Variants in SLC6A13 observed in about 807,000 individuals in gnomAD.
SLC6A13 encodes the protein solute carrier family 6 member 13.
A neutral mutation model predicts 72.9 loss-of-function variants in SLC6A13; 69 were observed. The ratio of observed to expected loss-of-function variants is 0.95; its 90% CI spans 0.78 to 1.16. The LOEUF is 1.16. Among genes scored for constraint, SLC6A13 ranks in the 50% most tolerant of loss-of-function variants. The pLI, the probability that SLC6A13 is intolerant of heterozygous loss-of-function variation, is 0.00. For synonymous variants in SLC6A13, 303 were observed against 303.0 expected, an observed-to-expected ratio of 1.00 and a Z score of 0.00; for missense variants, 735 against 760.5, an observed-to-expected ratio of 0.97 and a Z score of 0.39.
intron 2 of SLC6A13, among the ~76,000 whole-genome samples, chr12:250,621 T>C (rs1942499322): frequency 6.6e-6 from 1 of 151,898 alleles, no homozygotes; most frequent in Non-Finnish European, 1.5e-5. Flanking sequence ...CTACAAAACA[T>C]TGCTGAGAGA....
At chr12:240,691 G>A (rs1942132772) in intron 4 of SLC6A13, among the ~76,000 whole-genome samples, 1 of 152,252 alleles carries the variant, frequency 6.6e-6, no homozygotes, top group Non-Finnish European at 1.5e-5. Flanking sequence ...GGGAAGTGCA[G>A]GAGCAGGGCC....
chr12:224,579 G>T, intron 9 of SLC6A13, 66 bp from the exon 10 acceptor site: 1 of 1,323,498 alleles, frequency 7.6e-7, no homozygotes, highest in Non-Finnish European at 1.1e-6. Context: ...GGTGACCCAT[G>T]GCTTCCCAGC....
intron 1 of SLC6A13, among the ~76,000 whole-genome samples, chr12:262,420 GTA>G (rs1485577543): frequency 6.6e-6 from 1 of 152,252 alleles, no homozygotes; most frequent in Non-Finnish European, 1.5e-5. Flanking sequence ...ATATACATAT[GTA>G]TACACACTTA....
rs754571234 is a variant in SLC6A13 at position 221,024 on chromosome 12, T to A, written c.1733A>T (p.Asn578Ile). 6.2e-6 allele frequency: 10 copies of A among 1,611,978 alleles called. No homozygotes were observed. Among genetic ancestry groups the A allele is most frequent in the Non-Finnish European group, 8.5e-6 (10 of 1,179,646 alleles). The part of the protein sequence containing the change: ...MCPAEDLPQR[N>I]PAGPSAPATP... ...GGCGGGAGCCGAGGGTCCTGCTGGG[T>A]TCCGCTGGGGCAGGTCCTCGGCTGG... Residue 578 changes from asparagine to isoleucine, a missense_variant, in exon 15 of 15, where the codon AAC (asparagine) becomes ATC (isoleucine). By Grantham distance (149) the Asn-to-Ile change is moderately radical (BLOSUM62 -3). Transcript: ENST00000343164.
At position 242,657 on chromosome 12, in the gene SLC6A13, G is replaced by C; in HGVS notation, c.435C>G (p.Thr145=). 1 of 1,613,644 alleles carries C rather than the reference G, an allele frequency of 6.2e-7. No individual in the cohort carries two copies. Among genetic ancestry groups the C allele is most frequent in the Non-Finnish European group, 8.5e-7 (1 of 1,179,830 alleles). Reference sequence around the variant, plus strand: ...AGCAGCCGCCCCAGGGCAGGTCGATGGTGAAGCTGCTGAAGAGGTAGAACA... The same window carrying C: ...AGCAGCCGCCCCAGGGCAGGTCGATCGTGAAGCTGCTGAAGAGGTAGAACA... The part of the protein sequence containing the change: ...WALFYLFSSF[T]IDLPWGGCYH... Residue 145 remains threonine (T), a synonymous_variant, in exon 4 of 15, where the codon ACC becomes ACG. Transcript: ENST00000343164.
chr12:221,313 C>T lies in SLC6A13; in HGVS notation c.1686+63G>A. ...GGTGTGCGCCCTGGCTGGCAGCCCA[C>T]CTGTCGGCACCTGCGAAGCCTCCCA... On this transcript the variant is annotated intron_variant, in intron 14 of 14. Coordinates refer to ENST00000343164, the MANE Select transcript of SLC6A13 (RefSeq NM_016615.5). The T allele has an allele frequency of 2.7e-6, 4 of 1,488,834 alleles. No individual in the cohort carries two copies. In the South Asian group the frequency reaches 5.2e-5, roughly 19 times the overall value. 92.2% of individuals were successfully genotyped at this position (1,488,834 alleles called of 1,614,324 possible).
intron 7 of SLC6A13, among the ~76,000 whole-genome samples, chr12:229,012 C>T (rs577881774): frequency 1.4e-4 from 21 of 152,268 alleles, no homozygotes; most frequent in African/African-American, 3.6e-4. Context: ...GCAAGGAAGA[C>T]GGTGGGGAAA....
intron 2 of SLC6A13, among the ~76,000 whole-genome samples, chr12:250,973 G>T (rs772413018): frequency 6.6e-6 from 1 of 151,730 alleles, no homozygotes; most frequent in African/African-American, 2.4e-5. Flanking sequence ...TGGCCAACAC[G>T]GTGAAACCCT....
chr12:235,333 G>A (rs532138804), intron 6 of SLC6A13, 109 bp from the exon 7 acceptor site: 135 of 1,086,590 alleles, frequency 1.2e-4, no homozygotes, highest in Non-Finnish European at 1.7e-4. Context: ...GGTCAAGGGA[G>A]TGTTCCTCCT....
chr12:222,591 AC>A lies in SLC6A13; in HGVS notation c.1455del (p.Tyr486ThrfsTer27), dbSNP rs746156424. 1 of 1,610,826 alleles carries A rather than the reference AC, an allele frequency of 6.2e-7. No homozygotes were observed. The highest frequency in any genetic ancestry group is 2.2e-5 in the East Asian group (1 of 44,874). On this transcript the variant is annotated frameshift_variant, in exon 13 of 15. Transcript: ENST00000343164. LOFTEE classifies it high-confidence loss of function. ...TATTTGATAAGAGGCCATGGCCTGT[AC>A]CCAATCATGTCTTCGATGTTGTCGT... is the stretch of plus-strand genomic sequence containing the variant. ...RFYDNIEDMI[G>X]YRPWPLIKYC... is the part of the protein sequence containing the mutation.
chr12:243,078 C>T (rs1458711202), intron 3 of SLC6A13, among the ~76,000 whole-genome samples: 2 of 151,276 alleles, frequency 1.3e-5, no homozygotes, highest in Non-Finnish European at 2.9e-5. Flanking sequence ...GGTGCAATCT[C>T]GGCTCGCTGC....
chr12:251,656 GA>G (rs781153442), intron 2 of SLC6A13, among the ~76,000 whole-genome samples: 1 of 152,110 alleles, frequency 6.6e-6, no homozygotes, highest in African/African-American at 2.4e-5. Flanking sequence ...GACACTGTTA[GA>G]AACAGGAAAA....
chr12:261,918 T>C (rs1248596664), intron 1 of SLC6A13, among the ~76,000 whole-genome samples: 1 of 147,628 alleles, frequency 6.8e-6, no homozygotes, highest in African/African-American at 2.5e-5. Flanking sequence ...AAAGCGAGAC[T>C]CTGTCTCAAA....
intron 2 of SLC6A13, among the ~76,000 whole-genome samples, chr12:258,386 G>A (rs1942815745): frequency 6.6e-6 from 1 of 152,150 alleles, no homozygotes; most frequent in Admixed American, 6.5e-5. Flanking sequence ...TAAAATCATT[G>A]TGAGACTCAA....
chr12:260,760 C>T (rs569065812), intron 1 of SLC6A13, among the ~76,000 whole-genome samples: 5 of 152,274 alleles, frequency 3.3e-5, no homozygotes, highest in African/African-American at 9.6e-5. Context: ...TCATGCTTGA[C>T]AAATATTTTA....
chr12:222,650 A>G lies in SLC6A13; in HGVS notation c.1415-18T>C. On this transcript the variant is annotated intron_variant, in intron 12 of 14. Coordinates refer to ENST00000343164, the MANE Select transcript of SLC6A13 (RefSeq NM_016615.5). ...CTTGGCTCCTACCATGGAGAAAAGA[A>G]GAAGGAAGGAGGAGAAAGTCATTCT... 2 of 1,531,882 alleles carry G rather than the reference A, an allele frequency of 1.3e-6. No homozygotes were observed. Among genetic ancestry groups the G allele is most frequent in the Non-Finnish European group, 1.8e-6 (2 of 1,112,580 alleles). 94.9% of individuals were successfully genotyped at this position (1,531,882 alleles called of 1,614,324 possible).
chr12:230,789 A>T, intron 7 of SLC6A13, among the ~76,000 whole-genome samples: 1 of 152,078 alleles, frequency 6.6e-6, no homozygotes, highest in South Asian at 2.1e-4. Context: ...GCTGACCCCA[A>T]ACTCACAGGG....
At chr12:262,541 G>A (rs145313203) in intron 1 of SLC6A13, 200 of 200,164 alleles carry the variant, frequency 1.0e-3, no homozygotes, top group Middle Eastern at 7.7e-3. Flanking sequence ...GTTAAATCCA[G>A]TTGTCTTTCC....
chr12:227,518 A>T, intron 8 of SLC6A13, 47 bp downstream of exon 8: 1 of 1,611,228 alleles, frequency 6.2e-7, no homozygotes, highest in Non-Finnish European at 8.5e-7. Flanking sequence ...CTGGAAGGAC[A>T]GTAGAGAGAT....
Sources: gnomAD v4.1 joint callset for allele counts (sites outside exome capture counted in the v4.1 genomes callset) on GRCh38, gnomAD v4.1.1 for gene constraint, MANE v1.5 for transcripts, NCBI Gene and HGNC (gene_info 2026-07-23, HGNC 2026-07-21) for gene names.